Variants in FBXO11 observed in about 807,000 individuals in gnomAD.
FBXO11 encodes F-box only protein 11.
In FBXO11, 13 loss-of-function variants were observed where a neutral mutation model predicts 117.0. The observed-to-expected ratio is 0.11, with a 90% CI of 0.07 to 0.18. The LOEUF is 0.18. Among genes scored for constraint, FBXO11 ranks in the 10% least tolerant of loss-of-function variants. FBXO11 has a pLI of 1.00. For missense variants in FBXO11, 767 were observed against 1,164.4 expected (o/e 0.66, Z 4.97); for synonymous variants, 490 against 380.5 (o/e 1.29, Z -3.35).
At chr2:47,876,052 C>T (rs766260112) in intron 1 of FBXO11, among the ~76,000 whole-genome samples, 29 of 152,076 alleles carry the variant, frequency 1.9e-4, no homozygotes, top group Non-Finnish European at 3.5e-4. Flanking sequence ...GAAATTTACG[C>T]GTAAGAAGGT....
intron 1 of FBXO11, among the ~76,000 whole-genome samples, chr2:47,864,655 ATTAT>A (rs1675060134): frequency 6.6e-6 from 1 of 152,206 alleles, no homozygotes; most frequent in Non-Finnish European, 1.5e-5. Context: ...GATTTAATAA[ATTAT>A]TTATGTTATA....
intron 1 of FBXO11, among the ~76,000 whole-genome samples, chr2:47,904,120 G>A (rs1436137625): frequency 6.6e-6 from 1 of 152,094 alleles, no homozygotes. Context: ...TTGTGATCAA[G>A]TATAACAATG....
At chr2:47,843,369 T>C (rs895319083) in intron 1 of FBXO11, among the ~76,000 whole-genome samples, 6 of 152,144 alleles carry the variant, frequency 3.9e-5, no homozygotes, top group Admixed American at 1.3e-4. Context: ...AGGGTGGTGG[T>C]GGTTTATTCA....
intron 1 of FBXO11, among the ~76,000 whole-genome samples, chr2:47,863,878 T>G (rs1172473830): frequency 2.1e-5 from 3 of 145,400 alleles, no homozygotes; most frequent in African/African-American, 2.6e-5. Flanking sequence ...GAGGTGGAGG[T>G]TGCAGTGAGC....
chr2:47,848,121 C>T (rs904549160), intron 1 of FBXO11, among the ~76,000 whole-genome samples: 4 of 150,170 alleles, frequency 2.7e-5, no homozygotes, highest in Admixed American at 6.6e-5. Flanking sequence ...GAGACCCCAT[C>T]TCAAAAAAAC....
intron 9 of FBXO11, 42 bp downstream of exon 9, chr2:47,832,727 G>C: frequency 6.2e-7 from 1 of 1,607,170 alleles, no homozygotes; most frequent in Non-Finnish European, 8.5e-7. Context: ...GCAACATACA[G>C]TGACTCAAAA....
intron 1 of FBXO11, among the ~76,000 whole-genome samples, chr2:47,863,955 C>A (rs1271668129): frequency 6.6e-6 from 1 of 151,168 alleles, no homozygotes; most frequent in East Asian, 1.9e-4. Context: ...AAAAAAAAAC[C>A]AAAACCCCAT....
intron 1 of FBXO11, among the ~76,000 whole-genome samples, chr2:47,864,715 G>A (rs1179800133): frequency 6.6e-6 from 1 of 152,156 alleles, no homozygotes; most frequent in Non-Finnish European, 1.5e-5. Flanking sequence ...GTCCACAGAG[G>A]TCAGGTAAAT....
At chr2:47,893,824 G>A (rs2103997682) in intron 1 of FBXO11, among the ~76,000 whole-genome samples, 1 of 152,262 alleles carries the variant, frequency 6.6e-6, no homozygotes, top group Non-Finnish European at 1.5e-5. Flanking sequence ...AGCAGCTCAG[G>A]CTCCTTATCC....
intron 11 of FBXO11, among the ~76,000 whole-genome samples, chr2:47,829,097 G>A (rs1671989289): frequency 6.6e-6 from 1 of 151,968 alleles, no homozygotes; most frequent in Non-Finnish European, 1.5e-5. Context: ...GTTTCGCAGT[G>A]TTGGCCAGGC....
At chr2:47,868,302 A>T (rs1387622836) in intron 1 of FBXO11, among the ~76,000 whole-genome samples, 1 of 147,834 alleles carries the variant, frequency 6.8e-6, no homozygotes, top group Non-Finnish European at 1.5e-5. Context: ...AAAAAAAAAA[A>T]GCTGGGAATC....
intron 16 of FBXO11, among the ~76,000 whole-genome samples, chr2:47,817,953 G>C (rs1450855789): frequency 6.6e-6 from 1 of 152,176 alleles, no homozygotes. Context: ...TTTGAGACCA[G>C]CCTGACCAAT....
chr2:47,833,136 A>T, intron 7 of FBXO11, 66 bp from the exon 8 acceptor site: 1 of 1,047,714 alleles, frequency 9.5e-7, no homozygotes. Context: ...ATCTTTATGG[A>T]GGGGGAACTT....
At chr2:47,873,391 A>G (rs1014373743) in intron 1 of FBXO11, among the ~76,000 whole-genome samples, 3 of 152,146 alleles carry the variant, frequency 2.0e-5, no homozygotes, top group African/African-American at 7.2e-5. Flanking sequence ...TGCTCTTTTT[A>G]AAGTCTTACA....
chr2:47,843,122 A>G (rs1311779479), intron 1 of FBXO11, among the ~76,000 whole-genome samples: 1 of 152,216 alleles, frequency 6.6e-6, no homozygotes, highest in Admixed American at 6.5e-5. Flanking sequence ...GGAATCACAA[A>G]AAGCAGCCAG....
intron 1 of FBXO11, among the ~76,000 whole-genome samples, chr2:47,884,534 C>G (rs758950119): frequency 2.6e-5 from 4 of 152,102 alleles, no homozygotes; most frequent in Non-Finnish European, 4.4e-5. Context: ...CATTTTTCCT[C>G]TTTATGATTT....
At chr2:47,870,596 A>G (rs1675552533) in intron 1 of FBXO11, among the ~76,000 whole-genome samples, 1 of 152,218 alleles carries the variant, frequency 6.6e-6, no homozygotes, top group Non-Finnish European at 1.5e-5. Flanking sequence ...AACAGCTACT[A>G]CCATAATCTA....
At chr2:47,810,454 G>C in intron 18 of FBXO11, 28 bp from the exon 19 acceptor site, 8 of 1,445,976 alleles carry the variant, frequency 5.5e-6, no homozygotes, top group Non-Finnish European at 7.7e-6. Context: ...CTTAGATTAA[G>C]GCTAATGCAT....
At chr2:47,830,069 T>C (rs543610213) in intron 11 of FBXO11, among the ~76,000 whole-genome samples, 4 of 151,480 alleles carry the variant, frequency 2.6e-5, no homozygotes, top group East Asian at 1.9e-4. Context: ...GAACAGAACA[T>C]AGCAATATAA....
Sources: gnomAD v4.1 joint callset for allele counts (sites outside exome capture counted in the v4.1 genomes callset) on GRCh38, gnomAD v4.1.1 for gene constraint, MANE v1.5 for transcripts, NCBI Gene and HGNC (gene_info 2026-07-23, HGNC 2026-07-21) for gene names.